Variants in CDCA7L observed in about 807,000 individuals in gnomAD.
CDCA7L encodes cell division cycle-associated 7-like protein.
Under a neutral mutation model 57.4 loss-of-function variants are expected in CDCA7L, and 44 were observed. That is an observed-to-expected ratio of 0.77 (90% CI 0.60 to 0.98). The LOEUF is 0.98. Ranked by LOEUF, CDCA7L falls within the 50% of genes least tolerant of loss-of-function variation. CDCA7L has a pLI of 0.00. For missense variants in CDCA7L, 644 were observed against 580.6 expected (o/e 1.11, Z -1.12); for synonymous variants, 236 against 202.8 (o/e 1.16, Z -1.39).
chr7:21,945,401 C>A (rs1286759194), intron 1 of CDCA7L, among the ~76,000 whole-genome samples: 7 of 152,172 alleles, frequency 4.6e-5, no homozygotes, highest in Non-Finnish European at 8.8e-5. Flanking sequence ...TTCCTGATCT[C>A]TGTGCCAATT....
At chr7:21,940,840 G>GT (rs1476000277) in intron 1 of CDCA7L, among the ~76,000 whole-genome samples, 1 of 152,184 alleles carries the variant, frequency 6.6e-6, no homozygotes, top group Non-Finnish European at 1.5e-5. Context: ...ACATTTATAG[G>GT]TTTTCTTGGT....
intron 9 of CDCA7L, chr7:21,902,721 CATACACCTCAAGGAGAAAT>C (rs1329985780): frequency 1.2e-5 from 6 of 501,368 alleles, no homozygotes; most frequent in Non-Finnish European, 7.1e-6. Context: ...CCATTTCTGT[CATACACCTCAAGGAGAAAT>C]TTTGGTTAAA....
intron 1 of CDCA7L, among the ~76,000 whole-genome samples, chr7:21,927,441 T>C (rs1263401398): frequency 6.6e-6 from 1 of 152,028 alleles, no homozygotes; most frequent in Admixed American, 6.6e-5. Context: ...AATCTGAAGA[T>C]AATGCATTTG....
chr7:21,926,334 G>C (rs1445335130), intron 1 of CDCA7L, among the ~76,000 whole-genome samples: 1 of 152,022 alleles, frequency 6.6e-6, no homozygotes, highest in Admixed American at 6.6e-5. Flanking sequence ...GTGCATCAAA[G>C]GACAGCAAGA....
intron 1 of CDCA7L, among the ~76,000 whole-genome samples, chr7:21,931,848 T>C (rs1176341002): frequency 6.6e-6 from 1 of 152,228 alleles, no homozygotes; most frequent in Admixed American, 6.5e-5. Flanking sequence ...AGTATTCAAA[T>C]AGGAAGAGAG....
Position 21,902,270 on chromosome 7 carries a change from T to G in CDCA7L, c.*52A>C. ...CTTTCTTAGGCACCAATGGTATGCA[T>G]GTCTTGTTGGAGTACTCTATGGTGA... is the stretch of plus-strand genomic sequence containing the variant. On this transcript the variant is annotated 3_prime_UTR_variant, in exon 10 of 10. Transcript: ENST00000406877. The G allele has an allele frequency of 1.3e-6, 2 of 1,539,398 alleles. No homozygotes were observed. Among genetic ancestry groups the G allele is most frequent in the Non-Finnish European group, 9.0e-7 (1 of 1,112,010 alleles).
intron 4 of CDCA7L, among the ~76,000 whole-genome samples, chr7:21,907,035 C>G (rs926285527): frequency 3.3e-5 from 5 of 152,136 alleles, no homozygotes; most frequent in Non-Finnish European, 7.4e-5. Context: ...AAAAGCTCAA[C>G]TAGATTATTT....
chr7:21,904,517 G>GAGCTCTGC (rs1249265482), intron 7 of CDCA7L, among the ~76,000 whole-genome samples: 1 of 152,192 alleles, frequency 6.6e-6, no homozygotes, highest in African/African-American at 2.4e-5. Context: ...ATTACCGCCT[G>GAGCTCTGC]AGCTCTGCCT....
intron 1 of CDCA7L, among the ~76,000 whole-genome samples, chr7:21,937,654 A>G (rs1437668343): frequency 6.6e-6 from 1 of 152,092 alleles, no homozygotes; most frequent in East Asian, 1.9e-4. Flanking sequence ...AAGAAAAAAA[A>G]AAAAAAGAAC....
At chr7:21,942,827 C>T (rs1786383882) in intron 1 of CDCA7L, among the ~76,000 whole-genome samples, 1 of 152,158 alleles carries the variant, frequency 6.6e-6, no homozygotes, top group African/African-American at 2.4e-5. Flanking sequence ...AAATCATTGT[C>T]CTTTCTGTGA....
chr7:21,902,058 G>T lies in CDCA7L; in HGVS notation c.*264C>A. ...TTTAACCCCACCCCATTTAAACTGTGCTTTTTAATAACTGGCAGATATTTT... is the reference window on the plus strand; with the variant it reads ...TTTAACCCCACCCCATTTAAACTGTTCTTTTTAATAACTGGCAGATATTTT... On this transcript the variant is annotated 3_prime_UTR_variant, in exon 10 of 10. Transcript: ENST00000406877. The T allele has an allele frequency of 2.1e-6, 1 of 483,658 alleles. No individual in the cohort carries two copies. Among genetic ancestry groups the T allele is most frequent in the Non-Finnish European group, 3.7e-6 (1 of 268,440 alleles). 30.0% of individuals were successfully genotyped at this position (483,658 alleles called of 1,614,324 possible).
rs1450623027 is a variant in CDCA7L at position 21,901,152 on chromosome 7, C to CAA, written c.*1168_*1169dup. 1.2e-6 allele frequency: 2 copies of CAA among 1,612,806 alleles called. No homozygotes were observed. Among genetic ancestry groups the CAA allele is most frequent in the Non-Finnish European group, 1.7e-6 (2 of 1,179,102 alleles). On this transcript the variant is annotated 3_prime_UTR_variant, in exon 10 of 10. Transcript: ENST00000406877. ...CCTACGAGTGCCCTGTGTATAGAACCAAACTGAGAGGCCCCAGCTACATCT... is the reference window on the plus strand; with the variant it reads ...CCTACGAGTGCCCTGTGTATAGAACCAAAAACTGAGAGGCCCCAGCTACATCT...
At chr7:21,941,153 A>G (rs1368743000) in intron 1 of CDCA7L, among the ~76,000 whole-genome samples, 1 of 152,198 alleles carries the variant, frequency 6.6e-6, no homozygotes, top group African/African-American at 2.4e-5. Context: ...GCAGACTCCA[A>G]CACAAGCCGT....
At position 21,901,227 on chromosome 7, in the gene CDCA7L, T is replaced by C. The variant is rs753227490; in HGVS notation, c.*1095A>G. On this transcript the variant is annotated 3_prime_UTR_variant, in exon 10 of 10. Transcript: ENST00000406877. ...AGAAGACTGCAAAATGGGTTCTGGC[T>C]GGAGTGGCTCTGCTTCTAGAAGCGT... 1.2e-6 allele frequency: 2 copies of C among 1,610,398 alleles called. No individual in the cohort carries two copies. Among genetic ancestry groups the C allele is most frequent in the Non-Finnish European group, 1.7e-6 (2 of 1,178,298 alleles).
intron 1 of CDCA7L, among the ~76,000 whole-genome samples, chr7:21,927,184 A>C (rs373626622): frequency 6.6e-6 from 1 of 152,246 alleles, no homozygotes; most frequent in Admixed American, 6.5e-5. Context: ...ACTTTCCCAG[A>C]GGAAAACACT....
intron 1 of CDCA7L, among the ~76,000 whole-genome samples, chr7:21,929,232 A>C (rs779675428): frequency 6.6e-6 from 1 of 152,150 alleles, no homozygotes; most frequent in African/African-American, 2.4e-5. Context: ...GAGAAATAAA[A>C]TCCTTTACAG....
At chr7:21,925,782 G>T (rs946654805) in intron 1 of CDCA7L, among the ~76,000 whole-genome samples, 14 of 152,084 alleles carry the variant, frequency 9.2e-5, no homozygotes, top group African/African-American at 3.4e-4. Flanking sequence ...AGCTACTTGG[G>T]AGGCTGAGGA....
intron 6 of CDCA7L, among the ~76,000 whole-genome samples, chr7:21,906,019 G>C (rs900838990): frequency 1.3e-5 from 2 of 152,358 alleles, no homozygotes; most frequent in South Asian, 4.1e-4. Flanking sequence ...CTGCAGCAGA[G>C]ATTAAAGCAG....
intron 4 of CDCA7L, among the ~76,000 whole-genome samples, chr7:21,907,601 C>G (rs1048785920): frequency 6.6e-6 from 1 of 152,164 alleles, no homozygotes. Flanking sequence ...ATTCATTGTT[C>G]TAATGAAGAC....
Sources: allele counts gnomAD v4.1 joint callset (sites outside exome capture counted in the v4.1 genomes callset), GRCh38; gene constraint gnomAD v4.1.1; transcripts MANE v1.5; gene names NCBI Gene and HGNC (gene_info 2026-07-23, HGNC 2026-07-21).